MND1: variants seen among roughly 807,000 people sequenced by gnomAD.
MND1 encodes the protein meiotic nuclear divisions 1.
A neutral mutation model predicts 35.1 loss-of-function variants in MND1; 28 were observed. The ratio of observed to expected loss-of-function variants is 0.80; its 90% confidence interval spans 0.59 to 1.09. The LOEUF (loss-of-function observed/expected upper bound fraction) is 1.09. MND1 is among the 50% of genes least tolerant of loss of function. The pLI, the probability that MND1 is intolerant of heterozygous loss-of-function variation, is 0.00. For missense variants in MND1, 213 were observed against 239.6 expected (o/e 0.89, Z 0.73); for synonymous variants, 69 against 70.5 (o/e 0.98, Z 0.11).
chr4:153,374,427 C>G (rs1179045004), intron 4 of MND1, among the ~76,000 whole-genome samples: 1 of 152,020 alleles, frequency 6.6e-6, no homozygotes, highest in Non-Finnish European at 1.5e-5. Flanking sequence ...TGCCAGACTG[C>G]CTAAATGAGC....
intron 4 of MND1, among the ~76,000 whole-genome samples, chr4:153,392,591 T>A (rs1729077373): frequency 6.6e-6 from 1 of 152,176 alleles, no homozygotes; most frequent in Non-Finnish European, 1.5e-5. Context: ...AATTTGGTAT[T>A]TGGAATTCCC....
intron 7 of MND1, among the ~76,000 whole-genome samples, chr4:153,412,809 C>CTT (rs112832041): frequency 3.1e-5 from 4 of 127,202 alleles, no homozygotes; most frequent in Admixed American, 8.1e-5. Context: ...TCTTTTTTTT[C>CTT]TTTTTTTTTT....
At chr4:153,401,833 C>T (rs1245153993) in intron 6 of MND1, among the ~76,000 whole-genome samples, 2 of 152,106 alleles carry the variant, frequency 1.3e-5, no homozygotes, top group Non-Finnish European at 2.9e-5. Context: ...CTCACTAACA[C>T]CCATGAGAAA....
intron 4 of MND1, among the ~76,000 whole-genome samples, chr4:153,360,661 TTTTTATATAAATAA>T: frequency 1.4e-5 from 1 of 72,544 alleles, no homozygotes; most frequent in African/African-American, 4.9e-5. Context: ...TATATAAATA[TTTTTATATAAATAA>T]ATAAATAAAT....
chr4:153,362,541 G>GGGT (rs1773522192), intron 4 of MND1, among the ~76,000 whole-genome samples: 1 of 152,178 alleles, frequency 6.6e-6, no homozygotes, highest in African/African-American at 2.4e-5. Flanking sequence ...GCAGAAGCAT[G>GGGT]AACCAATTAA....
chr4:153,356,410 G>A lies in MND1; in HGVS notation c.127+699G>A, dbSNP rs191636110. Among the ~76,000 whole-genome samples the A allele has an allele frequency of 6.7e-3, 1,024 of 151,940 alleles. 8 individuals carry two copies. The highest frequency in any genetic ancestry group is 0.03 in the South Asian group (146 of 4,810). On this transcript the variant is annotated intron_variant, in intron 3 of 7. Transcript: ENST00000240488. ...CTAAAAATACAAAAAAATCTTAGCC[G>A]GGCGTGGTGGCAGGCGTCTATAGTC...
chr4:153,350,250 G>A, intron 2 of MND1, 121 bp downstream of exon 2: 5 of 657,878 alleles, frequency 7.6e-6, no homozygotes, highest in Non-Finnish European at 7.6e-6. Context: ...TGAAGAATGG[G>A]TAAGATTCTG....
chr4:153,393,930 T>C (rs1347485698), intron 4 of MND1, among the ~76,000 whole-genome samples: 2 of 133,272 alleles, frequency 1.5e-5, no homozygotes, highest in Non-Finnish European at 3.2e-5. Context: ...TTTTCTTTTT[T>C]TTTTTTTTTT....
intron 4 of MND1, among the ~76,000 whole-genome samples, chr4:153,364,077 T>A (rs889119392): frequency 1.3e-4 from 19 of 151,912 alleles, no homozygotes; most frequent in African/African-American, 4.4e-4. Flanking sequence ...AAAATAATAA[T>A]AATAAATTTT....
At chr4:153,346,728 G>A (rs1294204217) in intron 1 of MND1, among the ~76,000 whole-genome samples, 1 of 152,180 alleles carries the variant, frequency 6.6e-6, no homozygotes, top group African/African-American at 2.4e-5. Context: ...AGTGTTGAGA[G>A]CTTTCCTAAA....
chr4:153,369,337 A>G (rs895134971), intron 4 of MND1, among the ~76,000 whole-genome samples: 1 of 152,354 alleles, frequency 6.6e-6, no homozygotes, highest in Non-Finnish European at 1.5e-5. Context: ...TTCCCTAGAA[A>G]CAAGTCATTA....
chr4:153,389,548 A>G (rs1728963068), intron 4 of MND1, among the ~76,000 whole-genome samples: 1 of 152,032 alleles, frequency 6.6e-6, no homozygotes, highest in African/African-American at 2.4e-5. Context: ...TTTAGTAGTG[A>G]CGGGATTTCA....
At chr4:153,402,941 A>G (rs1729383186) in intron 6 of MND1, among the ~76,000 whole-genome samples, 1 of 152,174 alleles carries the variant, frequency 6.6e-6, no homozygotes, top group Non-Finnish European at 1.5e-5. Context: ...AGAGTTCAAA[A>G]CCAGTCTGAA....
At position 153,373,559 on chromosome 4, in the gene MND1, C is replaced by T. The variant is rs146754150; in HGVS notation, c.276+14937C>T. Among the ~76,000 whole-genome samples the T allele has an allele frequency of 2.0e-5, 3 of 152,220 alleles. No homozygotes were observed. The East Asian group carries it at 5.8e-4, about 29-fold the overall frequency. On this transcript the variant is annotated intron_variant, in intron 4 of 7. Transcript: ENST00000240488. Reference sequence around the variant, plus strand: ...GCTTTTAAAAAATTGAGCTTAATGTCAGTGTTTATTAATTCTGAATGAGAG... The same window carrying T: ...GCTTTTAAAAAATTGAGCTTAATGTTAGTGTTTATTAATTCTGAATGAGAG...
At chr4:153,386,188 TTTGTTTTTTTTTA>T (rs945051547) in intron 4 of MND1, among the ~76,000 whole-genome samples, 6 of 151,912 alleles carry the variant, frequency 3.9e-5, no homozygotes, top group African/African-American at 1.2e-4. Context: ...GTTTTTTGTT[TTTGTTTTTTTTTA>T]ATGAATGAGT....
chr4:153,404,345 CTT>C (rs70963176), intron 6 of MND1, among the ~76,000 whole-genome samples: 4,267 of 129,700 alleles, frequency 0.033, 235 homozygotes, highest in African/African-American at 0.12. Flanking sequence ...CCACGCCCAG[CTT>C]TTTTTTTTTT....
chr4:153,383,530 C>T (rs1293354396), intron 4 of MND1, among the ~76,000 whole-genome samples: 1 of 152,140 alleles, frequency 6.6e-6, no homozygotes, highest in African/African-American at 2.4e-5. Flanking sequence ...TTTACCTCCT[C>T]TCTCTTTCTC....
chr4:153,365,043 G>C (rs1773592828), intron 4 of MND1, among the ~76,000 whole-genome samples: 1 of 151,846 alleles, frequency 6.6e-6, no homozygotes, highest in Admixed American at 6.6e-5. Flanking sequence ...TGCTGACCTT[G>C]GAAGATAGTT....
At chr4:153,358,185 T>G (rs2149633109) in intron 3 of MND1, among the ~76,000 whole-genome samples, 1 of 152,344 alleles carries the variant, frequency 6.6e-6, no homozygotes, top group South Asian at 2.1e-4. Context: ...TCATCCAGTG[T>G]TACTGCTAAG....
Sources: gnomAD v4.1 joint callset for allele counts (sites outside exome capture counted in the v4.1 genomes callset) on GRCh38, gnomAD v4.1.1 for gene constraint, MANE v1.5 for transcripts, NCBI Gene and HGNC (gene_info 2026-07-23, HGNC 2026-07-21) for gene names.